The following LRTM3 variants were observed in gnomAD, a reference collection of about 807,000 sequenced individuals.
LRTM3 encodes leucine rich repeat transmembrane protein 3.
the LRTM3 span, chr13:102,742,805 A>G: frequency 6.4e-7 from 1 of 1,550,512 alleles, no homozygotes; most frequent in Non-Finnish European, 8.7e-7. Flanking sequence ...ATCTGGGACA[A>G]TTGCTGCCAA....
At chr13:102,744,815 G>T in the LRTM3 span, 1 of 1,549,206 alleles carries the variant, frequency 6.5e-7, no homozygotes, top group African/African-American at 1.4e-5. Flanking sequence ...GGCCTTCTGT[G>T]CCTCCCCACC....
At chr13:102,746,126 G>A in the LRTM3 span, 6 of 1,550,968 alleles carry the variant, frequency 3.9e-6, no homozygotes, top group Admixed American at 9.8e-5. Flanking sequence ...AGTCTCTAAA[G>A]TAGTTTGTTC....
At chr13:102,733,289 G>A in the LRTM3 span, 1 of 1,551,334 alleles carries the variant, frequency 6.4e-7, no homozygotes, top group Admixed American at 2.0e-5. Context: ...TGTCTGTGGT[G>A]CTAACACTTT....
At chr13:102,737,393 G>C in the LRTM3 span, 1 of 1,550,790 alleles carries the variant, frequency 6.4e-7, no homozygotes. Context: ...AGACTCAGAA[G>C]GCAAATGTAG....
At chr13:102,738,753 A>C in the LRTM3 span, 1 of 1,550,566 alleles carries the variant, frequency 6.4e-7, no homozygotes, top group Non-Finnish European at 8.7e-7. Context: ...CCCACTTTAG[A>C]GTAAGGTAGA....
chr13:102,732,594 T>G, the LRTM3 span: 1 of 1,551,126 alleles, frequency 6.4e-7, no homozygotes, highest in Non-Finnish European at 8.7e-7. Flanking sequence ...TGCTTTTGCA[T>G]GATTAGGCGG....
chr13:102,758,454 T>C, the LRTM3 span: 1 of 1,537,900 alleles, frequency 6.5e-7, no homozygotes. Flanking sequence ...TCTCTGGAGC[T>C]GAATAGGAAT....
chr13:102,731,212 C>A, the LRTM3 span: 1 of 1,551,426 alleles, frequency 6.4e-7, no homozygotes, highest in Non-Finnish European at 8.7e-7. Flanking sequence ...TCAGTGTCTT[C>A]ATATTGCTGG....
At chr13:102,729,827 T>C in the LRTM3 span, 2 of 1,551,900 alleles carry the variant, frequency 1.3e-6, no homozygotes, top group Non-Finnish European at 1.7e-6. Context: ...GTGGTCCCAA[T>C]GACTGCTGTT....
At chr13:102,736,119 A>G in the LRTM3 span, 1 of 1,541,098 alleles carries the variant, frequency 6.5e-7, no homozygotes, top group Non-Finnish European at 8.8e-7. Flanking sequence ...CCTTCATTTG[A>G]ATTTGCAAGT....
chr13:102,740,257 G>A, the LRTM3 span: 6 of 1,549,704 alleles, frequency 3.9e-6, no homozygotes, highest in Non-Finnish European at 5.2e-6. Context: ...TAGTTTTATG[G>A]TATGATCCTA....
chr13:102,746,817 G>T, the LRTM3 span: 1 of 1,551,040 alleles, frequency 6.4e-7, no homozygotes, highest in Non-Finnish European at 8.7e-7. Flanking sequence ...TGGTTTAAAG[G>T]GTCTCCAATC....
chr13:102,745,204 C>T, the LRTM3 span: 73 of 1,550,788 alleles, frequency 4.7e-5, no homozygotes, highest in Non-Finnish European at 6.3e-5. Flanking sequence ...TGAAATGTTG[C>T]AGGTGCTGTG....
the LRTM3 span, among the ~76,000 whole-genome samples, chr13:102,758,191 A>G: frequency 2.6e-5 from 4 of 152,220 alleles, no homozygotes; most frequent in Non-Finnish European, 4.4e-5. Flanking sequence ...CTCATCTGTA[A>G]GAAACTACCT....
At chr13:102,746,181 C>T in the LRTM3 span, 2 of 1,550,966 alleles carry the variant, frequency 1.3e-6, no homozygotes, top group African/African-American at 2.7e-5. Flanking sequence ...ATATGTAGCT[C>T]CAGTGTTAAA....
At chr13:102,747,917 C>T in the LRTM3 span, 1 of 1,551,148 alleles carries the variant, frequency 6.4e-7, no homozygotes, top group Non-Finnish European at 8.7e-7. Context: ...TAGATGTATG[C>T]TGAACCTGAA....
At chr13:102,748,527 T>C in the LRTM3 span, 1 of 1,550,784 alleles carries the variant, frequency 6.4e-7, no homozygotes, top group South Asian at 1.2e-5. Context: ...AGATGGGAAT[T>C]TTCTGAACTT....
chr13:102,737,168 C>T, the LRTM3 span: 8 of 1,550,942 alleles, frequency 5.2e-6, no homozygotes, highest in African/African-American at 1.1e-4. Context: ...ATAATCCACA[C>T]TTACTGTTTT....
chr13:102,756,766 T>C, the LRTM3 span, among the ~76,000 whole-genome samples: 1 of 151,444 alleles, frequency 6.6e-6, no homozygotes, highest in African/African-American at 2.4e-5. Flanking sequence ...TTATGTTTTT[T>C]CACCATAATA....
Sources: allele counts gnomAD v4.1 joint callset (sites outside exome capture counted in the v4.1 genomes callset), GRCh38; gene constraint gnomAD v4.1.1; transcripts MANE v1.5; gene names NCBI Gene and HGNC (gene_info 2026-07-23, HGNC 2026-07-21).